The following RAB3C variants were observed in gnomAD, a reference collection of about 807,000 sequenced individuals.
The protein encoded by RAB3C is RAB3C, member RAS oncogene family.
A neutral mutation model predicts 26.4 loss-of-function variants in RAB3C; 17 were observed. The observed-to-expected ratio is 0.64, with a 90% CI of 0.44 to 0.97. RAB3C has a LOEUF of 0.97. Among genes scored for constraint, RAB3C ranks in the 50% least tolerant of loss-of-function variants. The pLI is 0.00. For missense variants in RAB3C, 242 were observed against 281.9 expected, an observed-to-expected ratio of 0.86 and a Z score of 1.01; for synonymous variants, 91 against 95.9, an observed-to-expected ratio of 0.95 and a Z score of 0.30.
At chr5:58,836,436 T>C (rs1463401880) in intron 4 of RAB3C, among the ~76,000 whole-genome samples, 1 of 152,200 alleles carries the variant, frequency 6.6e-6, no homozygotes, top group Non-Finnish European at 1.5e-5. Context: ...GTATTATTGT[T>C]AACTACAGTT....
intron 3 of RAB3C, among the ~76,000 whole-genome samples, chr5:58,791,806 T>A (rs766534454): frequency 3.9e-5 from 6 of 152,240 alleles, no homozygotes. Context: ...TTTCCTCACA[T>A]GAGCATTCCA....
intron 2 of RAB3C, among the ~76,000 whole-genome samples, chr5:58,637,117 A>G (rs556460939): frequency 3.8e-4 from 41 of 108,462 alleles, no homozygotes; most frequent in African/African-American, 1.4e-3. Flanking sequence ...TTTTTTTACT[A>G]TTCAGTTTGA....
At position 58,851,548 on chromosome 5, in the gene RAB3C, G is replaced by A. The variant is rs1744116001; in HGVS notation, c.*197G>A. On this transcript the variant is annotated 3_prime_UTR_variant, in exon 5 of 5. Transcript: ENST00000282878. ...AAATATGTGATCTTAAATTTATAAG[G>A]ACTATCCATCTATAAACATCTGGTA... 1 of 452,194 alleles carries A rather than the reference G, an allele frequency of 2.2e-6. No homozygotes were observed. Among genetic ancestry groups the A allele is most frequent in the Non-Finnish European group, 3.8e-6 (1 of 260,124 alleles). The allele number at this position is 452,194 out of a possible 1,614,324, so 28.0% of individuals were successfully genotyped here.
intron 4 of RAB3C, among the ~76,000 whole-genome samples, chr5:58,839,110 T>G (rs1380600096): frequency 6.6e-6 from 1 of 151,822 alleles, no homozygotes; most frequent in African/African-American, 2.4e-5. Context: ...ATGAAGTGAG[T>G]TTTTTGTAGG....
At chr5:58,796,850 GAA>G (rs1184651224) in intron 3 of RAB3C, among the ~76,000 whole-genome samples, 12 of 152,074 alleles carry the variant, frequency 7.9e-5, no homozygotes, top group African/African-American at 2.9e-4. Flanking sequence ...AGGCACATGA[GAA>G]AGAAGCCTAG....
At chr5:58,694,417 A>G (rs1405844055) in intron 2 of RAB3C, among the ~76,000 whole-genome samples, 2 of 152,332 alleles carry the variant, frequency 1.3e-5, no homozygotes, top group East Asian at 3.9e-4. Flanking sequence ...TCTTTATAGT[A>G]GCATGATTTA....
chr5:58,810,688 C>T (rs1005016017), intron 3 of RAB3C, among the ~76,000 whole-genome samples: 2 of 152,128 alleles, frequency 1.3e-5, no homozygotes, highest in Non-Finnish European at 2.9e-5. Flanking sequence ...CCCCCACCTC[C>T]GAGGTTCAAG....
At chr5:58,825,198 A>G in intron 4 of RAB3C, 36 bp downstream of exon 4, 1 of 1,590,064 alleles carries the variant, frequency 6.3e-7, no homozygotes, top group Admixed American at 1.7e-5. Context: ...AAGAAAGATA[A>G]TTTGCTTATT....
At chr5:58,723,403 G>C (rs1282005035) in intron 2 of RAB3C, among the ~76,000 whole-genome samples, 1 of 151,616 alleles carries the variant, frequency 6.6e-6, no homozygotes, top group African/African-American at 2.4e-5. Context: ...ATAATTGTTG[G>C]CTTCACAAAA....
At chr5:58,649,419 TC>T (rs1339696591) in intron 2 of RAB3C, among the ~76,000 whole-genome samples, 2 of 152,008 alleles carry the variant, frequency 1.3e-5, no homozygotes, top group African/African-American at 4.8e-5. Context: ...ATTTCAGATC[TC>T]TTCCTTTGGA....
intron 2 of RAB3C, among the ~76,000 whole-genome samples, chr5:58,652,309 AAAT>A (rs1747670750): frequency 6.6e-6 from 1 of 151,856 alleles, no homozygotes. Flanking sequence ...TAGAGAATAT[AAAT>A]TGATTGTAGA....
chr5:58,639,889 T>C (rs1747377302), intron 2 of RAB3C, among the ~76,000 whole-genome samples: 1 of 152,222 alleles, frequency 6.6e-6, no homozygotes, highest in Non-Finnish European at 1.5e-5. Flanking sequence ...AAAGATCTAT[T>C]TTATAATTGT....
chr5:58,603,284 A>G (rs1746495960), intron 1 of RAB3C, among the ~76,000 whole-genome samples: 1 of 152,138 alleles, frequency 6.6e-6, no homozygotes, highest in African/African-American at 2.4e-5. Flanking sequence ...CCTGATGACA[A>G]TGTGCCTAGG....
chr5:58,851,139 A>G (rs1744105221), intron 4 of RAB3C, 25 bp from the exon 5 acceptor site: 1 of 1,571,280 alleles, frequency 6.4e-7, no homozygotes, highest in Non-Finnish European at 8.6e-7. Flanking sequence ...AATAACCAAG[A>G]TGTGTTTCTG....
intron 2 of RAB3C, among the ~76,000 whole-genome samples, chr5:58,628,728 A>G (rs188492593): frequency 6.6e-6 from 1 of 152,302 alleles, no homozygotes; most frequent in Admixed American, 6.5e-5. Flanking sequence ...TCTGGAAAGC[A>G]AAGAAACATA....
At position 58,670,315 on chromosome 5, in the gene RAB3C, G is replaced by T. The variant is rs550748300; in HGVS notation, c.252+52445G>T. The stretch of plus-strand genomic sequence containing the variant: ...AAATAAAGACGGTCTCCAAAGGATA[G>T]TTTTTTTTTTTAATTTAAGCTTTGG... On this transcript the variant is annotated intron_variant, in intron 2 of 4. Coordinates refer to ENST00000282878, the MANE Select transcript of RAB3C (RefSeq NM_138453.4). Among the ~76,000 whole-genome samples, 167 of 146,922 alleles carry T rather than the reference G, an allele frequency of 1.1e-3. 1 individual carries two copies. The highest frequency in any genetic ancestry group is 3.8e-3 in the African/African-American group (154 of 40,238).
At chr5:58,633,170 G>A (rs996199930) in intron 2 of RAB3C, among the ~76,000 whole-genome samples, 8 of 152,176 alleles carry the variant, frequency 5.3e-5, no homozygotes, top group African/African-American at 2.4e-5. Flanking sequence ...GGAAGCATAC[G>A]GTTTCATTTC....
chr5:58,714,847 A>G (rs1046147965), intron 2 of RAB3C, among the ~76,000 whole-genome samples: 2 of 152,036 alleles, frequency 1.3e-5, no homozygotes, highest in Admixed American at 6.6e-5. Flanking sequence ...AAAAAGAAAC[A>G]TAACATAATC....
chr5:58,715,837 C>T (rs1749159185), intron 2 of RAB3C, among the ~76,000 whole-genome samples: 1 of 151,834 alleles, frequency 6.6e-6, no homozygotes, highest in African/African-American at 2.4e-5. Flanking sequence ...AAGAGGAGCT[C>T]GCCACATGAA....
Sources: gnomAD v4.1 joint callset for allele counts (sites outside exome capture counted in the v4.1 genomes callset) on GRCh38, gnomAD v4.1.1 for gene constraint, MANE v1.5 for transcripts, NCBI Gene and HGNC (gene_info 2026-07-23, HGNC 2026-07-21) for gene names.